Variants in CLASRP observed in about 807,000 individuals in gnomAD.
CLASRP encodes CLK4 associating serine/arginine rich protein, also known as CLK4-associating serine/arginine rich protein.
In CLASRP, 52 loss-of-function variants were observed where a neutral mutation model predicts 99.9. The ratio of observed to expected loss-of-function variants is 0.52; its 90% CI spans 0.42 to 0.66. The LOEUF (loss-of-function observed/expected upper bound fraction) is 0.66. Among genes scored for constraint, CLASRP ranks in the 30% least tolerant of loss-of-function variants. CLASRP has a pLI of 0.00. For missense variants in CLASRP, 848 were observed against 999.2 expected, an observed-to-expected ratio of 0.85 and a Z score of 2.04; for synonymous variants, 379 against 373.0, an observed-to-expected ratio of 1.02 and a Z score of -0.18.
chr19:45,068,321 ACCC>A (rs59705171), intron 15 of CLASRP, 96 bp from the exon 16 acceptor site: 5 of 388,438 alleles, frequency 1.3e-5, no homozygotes, highest in African/African-American at 5.3e-5. Flanking sequence ...TCCCCCCCCC[ACCC>A]CCCCCCCGCA....
chr19:45,065,820 G>A (rs993993601), intron 13 of CLASRP, among the ~76,000 whole-genome samples: 1 of 152,206 alleles, frequency 6.6e-6, no homozygotes, highest in African/African-American at 2.4e-5. Flanking sequence ...GCTTCTCTGA[G>A]CTGTTAGAGG....
Position 45,064,022 on chromosome 19 carries a change from G to T in CLASRP, c.916G>T (p.Glu306Ter). The T allele has an allele frequency of 1.2e-6, 2 of 1,611,308 alleles. No individual in the cohort carries two copies. The change falls in exon 12 of 21, where the codon GAG (glutamate) becomes TAG (stop). Residue 306 changes from glutamate (E) to a stop codon, truncating the protein, a stop_gained. Coordinates refer to ENST00000221455, the MANE Select transcript of CLASRP (RefSeq NM_007056.3). LOFTEE classifies it high-confidence loss of function. Reference sequence around the variant, plus strand: ...CCTCCCTACCCGCAGGTCACCCTCGGAGTCCAGCTCAGAGTCCCGCTCCCG... The same window carrying T: ...CCTCCCTACCCGCAGGTCACCCTCGTAGTCCAGCTCAGAGTCCCGCTCCCG... ...TYDPYKRSPS[E>*]SSSESRSRSR... is the part of the protein sequence containing the mutation.
chr19:45,063,044 G>C (rs1194212149), intron 11 of CLASRP, among the ~76,000 whole-genome samples: 1 of 152,192 alleles, frequency 6.6e-6, no homozygotes, highest in Admixed American at 6.6e-5. Flanking sequence ...GGTTAGATGA[G>C]ATAAGGTGTT....
intron 13 of CLASRP, among the ~76,000 whole-genome samples, chr19:45,065,573 A>C (rs1331652742): frequency 6.6e-6 from 1 of 151,860 alleles, no homozygotes; most frequent in Non-Finnish European, 1.5e-5. Context: ...GAAAAAAAAA[A>C]AAAAAAGACA....
intron 5 of CLASRP, among the ~76,000 whole-genome samples, chr19:45,055,210 C>T (rs1972098722): frequency 6.6e-6 from 1 of 152,192 alleles, no homozygotes; most frequent in Non-Finnish European, 1.5e-5. Context: ...GGTGATGTGA[C>T]AGACAGTGTG....
At chr19:45,069,346 G>A in intron 18 of CLASRP, 98 bp downstream of exon 18, 1 of 1,262,754 alleles carries the variant, frequency 7.9e-7, no homozygotes, top group Non-Finnish European at 1.1e-6. Flanking sequence ...AGCTCCCTGT[G>A]GGTGGATGAA....
chr19:45,039,640 A>T, intron 1 of CLASRP: 1 of 153,768 alleles, frequency 6.5e-6, no homozygotes. Flanking sequence ...TAGCATCTTC[A>T]TCTTCCGCCA....
At chr19:45,062,440 C>G (rs781324124) in intron 11 of CLASRP, among the ~76,000 whole-genome samples, 3 of 152,204 alleles carry the variant, frequency 2.0e-5, no homozygotes, top group Admixed American at 6.5e-5. Flanking sequence ...TGCAGTGGCA[C>G]GATCTTGGCT....
intron 2 of CLASRP, among the ~76,000 whole-genome samples, chr19:45,045,066 C>T (rs183314352): frequency 1.2e-4 from 18 of 152,300 alleles, no homozygotes; most frequent in African/African-American, 4.3e-4. Context: ...CCAGTTAGCT[C>T]GGGGACCTAA....
chr19:45,053,311 G>A (rs895992977), intron 5 of CLASRP, 134 bp downstream of exon 5: 26 of 773,728 alleles, frequency 3.4e-5, no homozygotes, highest in African/African-American at 8.7e-5. Flanking sequence ...CCAGCTCTAC[G>A]ATAGACTCAC....
intron 3 of CLASRP, 110 bp from the exon 4 acceptor site, chr19:45,052,681 G>T: frequency 1.3e-6 from 1 of 754,610 alleles, no homozygotes; most frequent in Non-Finnish European, 2.2e-6. Context: ...GGGGACCAAA[G>T]CAGGCTGAGG....
In CLASRP at chr19:45,059,300, G is replaced by A; in HGVS notation, c.646G>A (p.Glu216Lys). Residue 216 changes from glutamate (E) to lysine (K), a missense_variant, in exon 8 of 21, where the codon GAG becomes AAG. Coordinates refer to ENST00000221455, the MANE Select transcript of CLASRP (RefSeq NM_007056.3). The part of the protein sequence containing the change: ...VEVDVDELNQ[E>K]QVADLNKQAT... ...GGTGGACGTGGATGAATTGAACCAGGAGCAGGTGGCAGATCTCAACAAACA... is the reference window on the plus strand; with the variant it reads ...GGTGGACGTGGATGAATTGAACCAGAAGCAGGTGGCAGATCTCAACAAACA... 1 of 1,610,448 alleles carries A rather than the reference G, an allele frequency of 6.2e-7. No individual in the cohort carries two copies. The highest frequency in any genetic ancestry group is 8.5e-7 in the Non-Finnish European group (1 of 1,178,298).
chr19:45,057,347 G>A lies in CLASRP; in HGVS notation c.465-403G>A, dbSNP rs181695948. Among the ~76,000 whole-genome samples, 14 of 152,268 alleles carry A rather than the reference G, an allele frequency of 9.2e-5. No homozygotes were observed. The East Asian group carries it at 2.3e-3, about 25-fold the overall frequency. ...CTTGGAGACTTCAGCCCTCGTCCAC[G>A]GCCCCAGCCTCAGGATCCTGCTCAG... is the stretch of plus-strand genomic sequence containing the variant. On this transcript the variant is annotated intron_variant, in intron 6 of 20. Transcript: ENST00000221455.
chr19:45,069,195 G>C lies in CLASRP; in HGVS notation c.1828-7G>C, dbSNP rs1263034919. 1.2e-6 allele frequency: 2 copies of C among 1,613,982 alleles called. No homozygotes were observed. ...TGGCCACGTCCTCATAGCCCTGTCT[G>C]CTGCAGGAGCGGGAAGACGAGCTTC... On this transcript the variant is annotated splice_region_variant and splice_polypyrimidine_tract_variant and intron_variant, in intron 17 of 20. Coordinates refer to ENST00000221455, the MANE Select transcript of CLASRP (RefSeq NM_007056.3).
At position 45,068,027 on chromosome 19, in the gene CLASRP, C is replaced by T. The variant is rs555928251; in HGVS notation, c.1680C>T (p.Ala560=). Reference sequence around the variant, plus strand: ...TGCCCCCACCCAGGACCGAACCTGCCGCTGGTAAAGAGACAGGAGCTGCCA... The same window carrying T: ...TGCCCCCACCCAGGACCGAACCTGCTGCTGGTAAAGAGACAGGAGCTGCCA... ...VGEKLKKTEP[A]AGKETGAAKP... is the part of the protein sequence containing the mutation. Residue 560 remains alanine, a synonymous_variant, in exon 15 of 21, where the codon GCC becomes GCT. Transcript: ENST00000221455. The T allele has an allele frequency of 4.3e-6, 7 of 1,613,816 alleles. No homozygotes were observed. The Admixed American group carries it at 6.7e-5, about 15-fold the overall frequency.
rs755357070 is a variant in CLASRP at position 45,053,185 on chromosome 19, A to C, written c.379+8A>C. 6 of 1,613,536 alleles carry C rather than the reference A, an allele frequency of 3.7e-6. No homozygotes were observed. The highest frequency in any genetic ancestry group is 4.2e-6 in the Non-Finnish European group (5 of 1,179,790). On this transcript the variant is annotated splice_region_variant and intron_variant, in intron 5 of 20. Coordinates refer to ENST00000221455, the MANE Select transcript of CLASRP (RefSeq NM_007056.3). ...AGAACGACTTTGCCGGCAGTGAGTG[A>C]TCTGTGGGGGGACGTGGGGTGTGGG... is the stretch of plus-strand genomic sequence containing the variant.
At chr19:45,051,135 G>A (rs1263224214) in intron 2 of CLASRP, among the ~76,000 whole-genome samples, 1 of 152,056 alleles carries the variant, frequency 6.6e-6, no homozygotes, top group East Asian at 1.9e-4. Flanking sequence ...ATCTTCCCAT[G>A]TGCGGATGCA....
rs769656176 is a variant in CLASRP, at chr19:45,064,585, G to A, written c.1364G>A (p.Arg455His). Residue 455 changes from arginine (R) to histidine (H), a missense_variant, in exon 13 of 21, where the codon CGC becomes CAC. Arg to His is a conservative substitution (Grantham distance 29). This residue lies in a region of CLASRP where 489 missense variants were observed against 434.7 expected (regional missense o/e 1.12). Transcript: ENST00000221455. ...TCCCGAGACGGACACCGGTACTCCC[G>A]CTCGCCCGCCCGGCGTGGTGGTTAC... ...GGSRDGHRYS[R>H]SPARRGGYGP... 6 of 1,544,270 alleles carry A rather than the reference G, an allele frequency of 3.9e-6. No homozygotes were observed. Among genetic ancestry groups the A allele is most frequent in the Non-Finnish European group, 1.7e-6 (2 of 1,149,982 alleles).
chr19:45,054,876 C>T (rs1199412520), intron 5 of CLASRP, among the ~76,000 whole-genome samples: 1 of 152,162 alleles, frequency 6.6e-6, no homozygotes, highest in Non-Finnish European at 1.5e-5. Flanking sequence ...CACAGTCAGC[C>T]CTCCATGTGG....
Sources: allele counts gnomAD v4.1 joint callset (sites outside exome capture counted in the v4.1 genomes callset), GRCh38; gene constraint gnomAD v4.1.1; regional missense constraint gnomAD v4.1.1; transcripts MANE v1.5; gene names NCBI Gene and HGNC (gene_info 2026-07-23, HGNC 2026-07-21).